PPME1: variants seen among roughly 807,000 people sequenced by gnomAD.
PPME1 encodes the protein testicular secretory protein Li 39.
Under a neutral mutation model 56.9 loss-of-function variants are expected in PPME1, and 17 were observed. That is an observed-to-expected ratio of 0.30 (90% CI 0.20 to 0.45). PPME1 has a LOEUF of 0.45. Among genes scored for constraint, PPME1 ranks in the 20% least tolerant of loss-of-function variants. PPME1 has a pLI of 1.00. For synonymous variants in PPME1, 122 were observed against 156.2 expected, an observed-to-expected ratio of 0.78 and a Z score of 1.63; for missense variants, 357 against 483.2, an observed-to-expected ratio of 0.74 and a Z score of 2.45.
chr11:74,190,514 T>C (rs1857807335), intron 1 of PPME1, among the ~76,000 whole-genome samples: 1 of 152,224 alleles, frequency 6.6e-6, no homozygotes, highest in Non-Finnish European at 1.5e-5. Flanking sequence ...GCATGCTTCT[T>C]GTACAGCCTG....
At chr11:74,248,746 T>TC (rs1859573823) in intron 11 of PPME1, 1 of 152,184 alleles carries the variant, frequency 6.6e-6, no homozygotes, top group African/African-American at 2.4e-5. Flanking sequence ...AAGAAACCTT[T>TC]CCTAGGCACC....
At chr11:74,218,957 A>G (rs1313375379) in intron 3 of PPME1, among the ~76,000 whole-genome samples, 1 of 152,168 alleles carries the variant, frequency 6.6e-6, no homozygotes, top group East Asian at 1.9e-4. Context: ...AACCCACAGA[A>G]TGGGAGAAAA....
chr11:74,180,806 C>G (rs1345803238), intron 1 of PPME1, among the ~76,000 whole-genome samples: 1 of 152,136 alleles, frequency 6.6e-6, no homozygotes, highest in Non-Finnish European at 1.5e-5. Context: ...TTATAGTATT[C>G]AATTTTTCTG....
intron 3 of PPME1, among the ~76,000 whole-genome samples, chr11:74,215,171 C>A (rs1224484710): frequency 2.0e-5 from 3 of 152,082 alleles, no homozygotes; most frequent in Non-Finnish European, 2.9e-5. Context: ...CACGGTGAGA[C>A]CACATCTCTA....
intron 1 of PPME1, among the ~76,000 whole-genome samples, chr11:74,171,774 T>C (rs56085754): frequency 0.024 from 3,713 of 151,984 alleles, 140 homozygotes; most frequent in African/African-American, 0.084. Context: ...GCTGAGAGAC[T>C]AACATAAGGG....
chr11:74,235,879 C>T (rs1859178006), intron 7 of PPME1, 22 bp from the exon 8 acceptor site: 2 of 1,601,988 alleles, frequency 1.2e-6, no homozygotes, highest in Non-Finnish European at 1.7e-6. Context: ...AACCTTCTCT[C>T]TTCCTTTCTT....
intron 1 of PPME1, 82 bp downstream of exon 1, chr11:74,171,604 G>A: frequency 1.4e-6 from 2 of 1,466,562 alleles, no homozygotes; most frequent in South Asian, 1.3e-5. Flanking sequence ...ATAGAGGCAC[G>A]GGAAAGGAGT....
rs542824660 is a variant in PPME1, at chr11:74,190,729, C to T, written c.102-12999C>T. On this transcript the variant is annotated intron_variant, in intron 1 of 13. Transcript: ENST00000328257. ...AGAGTTTGGAGGACTCAGAAGAAGA[C>T]AGGAAGATGAGGAAAAGTTTGGAAC... Among the ~76,000 whole-genome samples the T allele has an allele frequency of 2.6e-5, 4 of 152,192 alleles. No homozygotes were observed. The South Asian group carries it at 8.3e-4, about 32-fold the overall frequency.
At chr11:74,189,556 C>T (rs1394196554) in intron 1 of PPME1, among the ~76,000 whole-genome samples, 1 of 152,118 alleles carries the variant, frequency 6.6e-6, no homozygotes, top group Non-Finnish European at 1.5e-5. Flanking sequence ...CCCAAAGTGC[C>T]GGGATTGCAG....
chr11:74,196,245 G>T (rs982979404), intron 1 of PPME1, among the ~76,000 whole-genome samples: 5 of 152,126 alleles, frequency 3.3e-5, no homozygotes, highest in South Asian at 2.1e-4. Context: ...TTAATGAAAA[G>T]GATTTTATTT....
intron 1 of PPME1, among the ~76,000 whole-genome samples, chr11:74,199,686 T>G (rs1482644135): frequency 6.6e-6 from 1 of 152,204 alleles, no homozygotes; most frequent in Non-Finnish European, 1.5e-5. Flanking sequence ...TGTTTTACGC[T>G]ACTGATAAAG....
intron 1 of PPME1, among the ~76,000 whole-genome samples, chr11:74,194,398 A>G (rs143193351): frequency 1.9e-4 from 29 of 152,204 alleles, no homozygotes; most frequent in Non-Finnish European, 3.4e-4. Context: ...GACAGTTGGC[A>G]AATGCCATCA....
chr11:74,245,793 G>T (rs752099423), intron 9 of PPME1, among the ~76,000 whole-genome samples: 3 of 152,096 alleles, frequency 2.0e-5, no homozygotes, highest in Non-Finnish European at 2.9e-5. Context: ...CTTAATCTTG[G>T]CACTACCACT....
At position 74,253,571 on chromosome 11, in the gene PPME1, C is replaced by A; in HGVS notation, c.*61C>A. 1 of 1,521,804 alleles carries A rather than the reference C, an allele frequency of 6.6e-7. No homozygotes were observed. Among genetic ancestry groups the A allele is most frequent in the Non-Finnish European group, 9.1e-7 (1 of 1,096,146 alleles). The allele number at this position is 1,521,804 out of a possible 1,614,324, so 94.3% of individuals were successfully genotyped here. A position where few individuals can be genotyped will look rare whatever the true frequency, so the allele number is the denominator to read the frequency against. On this transcript the variant is annotated 3_prime_UTR_variant, in exon 14 of 14. Transcript: ENST00000328257. The stretch of plus-strand genomic sequence containing the variant: ...TGTTGTAAATACGTCGCACCAGAGG[C>A]CACTGTGATGCCACTGTCTCCTCTC...
intron 1 of PPME1, among the ~76,000 whole-genome samples, chr11:74,184,035 A>G (rs1857607802): frequency 6.6e-6 from 1 of 152,226 alleles, no homozygotes; most frequent in South Asian, 2.1e-4. Context: ...TGCAAAAATG[A>G]ACTCGTGCCC....
intron 13 of PPME1, chr11:74,252,355 TGGGATTATA>T (rs1215373714): frequency 9.1e-6 from 4 of 439,810 alleles, no homozygotes; most frequent in African/African-American, 2.0e-5. Flanking sequence ...CCTAAAGTGT[TGGGATTATA>T]GGGATTATAG....
At chr11:74,199,959 A>G (rs549046394) in intron 1 of PPME1, among the ~76,000 whole-genome samples, 1 of 152,338 alleles carries the variant, frequency 6.6e-6, no homozygotes, top group South Asian at 2.1e-4. Flanking sequence ...TCCCCCCACA[A>G]CACATGGAAT....
chr11:74,242,072 T>C (rs1859374784), intron 9 of PPME1, among the ~76,000 whole-genome samples: 2 of 152,238 alleles, frequency 1.3e-5, no homozygotes, highest in African/African-American at 4.8e-5. Context: ...TTTATACCTA[T>C]GTTTTCTTCT....
chr11:74,177,583 A>G (rs1857432699), intron 1 of PPME1, among the ~76,000 whole-genome samples: 1 of 152,044 alleles, frequency 6.6e-6, no homozygotes, highest in Admixed American at 6.6e-5. Context: ...AGGATTTATT[A>G]ATATGTTTTG....
Sources: allele counts gnomAD v4.1 joint callset (sites outside exome capture counted in the v4.1 genomes callset), GRCh38; gene constraint gnomAD v4.1.1; transcripts MANE v1.5; gene names NCBI Gene and HGNC (gene_info 2026-07-23, HGNC 2026-07-21).